Variants in SEMA3A observed in about 807,000 individuals in gnomAD.
SEMA3A encodes the protein semaphorin-3A.
In SEMA3A, 29 loss-of-function variants were observed where a neutral mutation model predicts 97.9. The ratio of observed to expected loss-of-function variants is 0.30; its 90% CI spans 0.22 to 0.40. SEMA3A has a LOEUF of 0.40. SEMA3A is among the 10% of genes least tolerant of loss of function. SEMA3A has a pLI of 1.00. For synonymous variants in SEMA3A, 321 were observed against 323.7 expected (o/e 0.99, Z 0.09); for missense variants, 763 against 951.3 (o/e 0.80, Z 2.60).
chr7:83,995,077 T>C (rs892262563), intron 12 of SEMA3A, among the ~76,000 whole-genome samples: 2 of 152,108 alleles, frequency 1.3e-5, no homozygotes, highest in African/African-American at 4.8e-5. Context: ...TGACCCGATT[T>C]TCCAGGTGCC....
At chr7:84,378,000 C>G (rs566699610) in intron 1 of SEMA3A, among the ~76,000 whole-genome samples, 1 of 152,208 alleles carries the variant, frequency 6.6e-6, no homozygotes, top group Non-Finnish European at 1.5e-5. Flanking sequence ...CTTGTCCCCT[C>G]GGGTTCATCT....
chr7:84,125,173 CAATT>C (rs904306235), intron 3 of SEMA3A, among the ~76,000 whole-genome samples: 11 of 152,062 alleles, frequency 7.2e-5, no homozygotes, highest in Non-Finnish European at 1.3e-4. Flanking sequence ...TATAATGTTA[CAATT>C]AATTAATTAA....
intron 5 of SEMA3A, among the ~76,000 whole-genome samples, chr7:84,054,850 C>G (rs903613295): frequency 3.3e-5 from 5 of 149,916 alleles, no homozygotes; most frequent in African/African-American, 1.2e-4. Context: ...TACTTTTGGT[C>G]TTTGATGATG....
At chr7:84,441,638 A>T (rs2116341532) in intron 1 of SEMA3A, among the ~76,000 whole-genome samples, 1 of 152,254 alleles carries the variant, frequency 6.6e-6, no homozygotes, top group African/African-American at 2.4e-5. Flanking sequence ...GATGGCAAAA[A>T]CTTCCCAAAT....
intron 1 of SEMA3A, among the ~76,000 whole-genome samples, chr7:84,390,772 C>A (rs548451256): frequency 1.2e-4 from 18 of 152,062 alleles, no homozygotes; most frequent in Non-Finnish European, 1.5e-4. Context: ...AATATTTTCT[C>A]GAACTGTTAA....
At chr7:84,026,208 GC>G (rs2116452802) in intron 6 of SEMA3A, among the ~76,000 whole-genome samples, 1 of 152,214 alleles carries the variant, frequency 6.6e-6, no homozygotes. Context: ...GGTGTGGAGT[GC>G]CCTCAACTCT....
chr7:84,275,352 T>C (rs577140985), intron 3 of SEMA3A, among the ~76,000 whole-genome samples: 5 of 152,114 alleles, frequency 3.3e-5, no homozygotes, highest in Admixed American at 6.6e-5. Flanking sequence ...AAAGCATCAA[T>C]GTCAATACAA....
At chr7:84,380,693 C>CT (rs1430582191) in intron 1 of SEMA3A, among the ~76,000 whole-genome samples, 1 of 152,164 alleles carries the variant, frequency 6.6e-6, no homozygotes, top group Non-Finnish European at 1.5e-5. Context: ...AAGTCTGCAA[C>CT]TTTAACTAAA....
At chr7:83,991,995 A>G (rs1489517846) in intron 12 of SEMA3A, among the ~76,000 whole-genome samples, 2 of 142,988 alleles carry the variant, frequency 1.4e-5, no homozygotes, top group Non-Finnish European at 3.0e-5. Flanking sequence ...CCACAATTTC[A>G]GATCCTGTTA....
At chr7:84,059,317 A>G (rs945039626) in intron 5 of SEMA3A, among the ~76,000 whole-genome samples, 20 of 152,194 alleles carry the variant, frequency 1.3e-4, no homozygotes, top group African/African-American at 4.6e-4. Context: ...TTGAAAAGCA[A>G]CAGAGGAGAT....
intron 3 of SEMA3A, among the ~76,000 whole-genome samples, chr7:84,273,973 A>C (rs1800221014): frequency 6.6e-6 from 1 of 151,994 alleles, no homozygotes; most frequent in Admixed American, 6.6e-5. Flanking sequence ...TTTCAGTTTA[A>C]ATAAAAAATA....
chr7:84,049,879 C>A (rs12707603), intron 5 of SEMA3A, among the ~76,000 whole-genome samples: 79,088 of 117,536 alleles, frequency 0.67, 27,080 homozygotes, highest in East Asian at 0.82. Flanking sequence ...CCCACCCCAC[C>A]ACAGTCCCCA....
At chr7:84,006,495 T>C (rs1480294086) in intron 10 of SEMA3A, among the ~76,000 whole-genome samples, 1 of 151,904 alleles carries the variant, frequency 6.6e-6, no homozygotes, top group Non-Finnish European at 1.5e-5. Flanking sequence ...GCCAGAAAGA[T>C]GCATGGTTTT....
intron 2 of SEMA3A, among the ~76,000 whole-genome samples, chr7:84,317,472 G>C (rs967807295): frequency 1.3e-5 from 2 of 152,120 alleles, no homozygotes; most frequent in African/African-American, 4.8e-5. Flanking sequence ...GTGTGGAATA[G>C]AGCTTTATCA....
At chr7:84,006,833 A>G (rs1327230648) in intron 10 of SEMA3A, among the ~76,000 whole-genome samples, 4 of 152,164 alleles carry the variant, frequency 2.6e-5, no homozygotes, top group African/African-American at 9.7e-5. Context: ...TTGAAATGGG[A>G]TGAGTATATA....
Position 84,032,671 on chromosome 7 carries a change from T to C in SEMA3A, c.667+13653A>G, listed in dbSNP as rs149655658. Among the ~76,000 whole-genome samples the C allele has an allele frequency of 1.5e-3, 221 of 152,200 alleles. 2 individuals carry two copies. In the East Asian group the frequency reaches 0.016, roughly 11 times the overall value. On this transcript the variant is annotated intron_variant, in intron 6 of 16. Transcript: ENST00000265362. Reference sequence around the variant, plus strand: ...CTGTTTAATCTGAAAGATCTTATTATCCTTTAAGAAGTAAGAATTCAAATT... The same window carrying C: ...CTGTTTAATCTGAAAGATCTTATTACCCTTTAAGAAGTAAGAATTCAAATT...
intron 1 of SEMA3A, among the ~76,000 whole-genome samples, chr7:84,150,512 C>T (rs1406919252): frequency 6.6e-6 from 1 of 152,180 alleles, no homozygotes; most frequent in African/African-American, 2.4e-5. Context: ...CACTCCCACC[C>T]GAATACTGTG....
Position 84,005,341 on chromosome 7 carries a change from G to T in SEMA3A, c.1358C>A (p.Thr453Lys). 1.2e-6 allele frequency: 2 copies of T among 1,609,000 alleles called. No homozygotes were observed. Among genetic ancestry groups the T allele is most frequent in the Non-Finnish European group, 1.7e-6 (2 of 1,175,524 alleles). Residue 453 changes from threonine to lysine, a missense_variant and splice_region_variant, in exon 11 of 17, where the codon ACA becomes AAA. Coordinates refer to ENST00000265362, the MANE Select transcript of SEMA3A (RefSeq NM_006080.3). ...DGQYDVMFIG[T>K]DVGTVLKVVS... ...ACAGCTGAAATTTAAAAATTTACCT[G>T]TTCCGATAAACATAACATCATACTG...
intron 1 of SEMA3A, among the ~76,000 whole-genome samples, chr7:84,433,519 C>T (rs1188894345): frequency 1.3e-5 from 2 of 151,982 alleles, no homozygotes; most frequent in Non-Finnish European, 1.5e-5. Context: ...CTATTGTGAA[C>T]AGTGCTGGAA....
Sources: gnomAD v4.1 joint callset for allele counts (sites outside exome capture counted in the v4.1 genomes callset) on GRCh38, gnomAD v4.1.1 for gene constraint, MANE v1.5 for transcripts, NCBI Gene and HGNC (gene_info 2026-07-23, HGNC 2026-07-21) for gene names.